Variants in EYS observed in about 807,000 individuals in gnomAD.
The protein encoded by EYS is EGF-like photoreceptor maintenance factor.
A neutral mutation model predicts 282.1 loss-of-function variants in EYS; 250 were observed. The ratio of observed to expected loss-of-function variants is 0.89; its 90% CI spans 0.80 to 0.98. EYS has a LOEUF of 0.98. Among genes scored for constraint, EYS ranks in the 50% least tolerant of loss-of-function variants. EYS has a pLI of 0.00. For synonymous variants in EYS, 1,355 were observed against 1,282.9 expected, an observed-to-expected ratio of 1.06 and a Z score of -1.20; for missense variants, 4,016 against 3,709.0, an observed-to-expected ratio of 1.08 and a Z score of -2.15.
chr6:64,409,776 T>C (rs1293192544), intron 28 of EYS, among the ~76,000 whole-genome samples: 1 of 152,182 alleles, frequency 6.6e-6, no homozygotes, highest in African/African-American at 2.4e-5. Context: ...GGTAATTTGT[T>C]GATATATCAA....
rs200858078 is a variant in EYS at position 65,147,048 on chromosome 6, T to A, written c.2024-89321A>T. Among the ~76,000 whole-genome samples, 29 of 152,170 alleles carry A rather than the reference T, an allele frequency of 1.9e-4. No homozygotes were observed. In the East Asian group the frequency reaches 5.4e-3, roughly 28 times the overall value. On this transcript the variant is annotated intron_variant, in intron 12 of 42. Transcript: ENST00000503581. ...GTACTTTTTGTATGGATTTCTTCTT[T>A]GCTCTAAAAATTACCTAACAGTATG...
chr6:64,320,657 T>C (rs1770182254), intron 29 of EYS, among the ~76,000 whole-genome samples: 1 of 147,636 alleles, frequency 6.8e-6, no homozygotes, highest in Non-Finnish European at 1.5e-5. Context: ...ATATAATCTC[T>C]ATGATTTCTT....
At chr6:64,449,035 G>T (rs1419861050) in intron 26 of EYS, among the ~76,000 whole-genome samples, 1 of 152,164 alleles carries the variant, frequency 6.6e-6, no homozygotes, top group African/African-American at 2.4e-5. Context: ...AGAGAGGAAG[G>T]CTTCAGAAGA....
intron 22 of EYS, among the ~76,000 whole-genome samples, chr6:64,699,831 C>T (rs546240735): frequency 5.9e-5 from 9 of 152,118 alleles, no homozygotes; most frequent in African/African-American, 2.2e-4. Flanking sequence ...GGGAATCCTC[C>T]ATAACCCATT....
At chr6:65,422,835 CATATGTAT>C (rs3076554) in intron 5 of EYS, among the ~76,000 whole-genome samples, 20 of 151,548 alleles carry the variant, frequency 1.3e-4, no homozygotes, top group African/African-American at 4.8e-4. Context: ...TATATACACA[CATATGTAT>C]ATATGTATGT....
Position 64,301,472 on chromosome 6 carries a change from C to A in EYS, c.6191+5498G>T, listed in dbSNP as rs533120788. Among the ~76,000 whole-genome samples the A allele has an allele frequency of 6.2e-4, 95 of 152,262 alleles. No homozygotes were observed. In the South Asian group the frequency reaches 7.5e-3, roughly 12 times the overall value. ...CCTACAGGGTTAATAGGACAGATGG[C>A]CCCAGTACTATGCTTTCTAGAATGG... On this transcript the variant is annotated intron_variant, in intron 30 of 42. Transcript: ENST00000503581.
chr6:64,580,503 C>A (rs992069116), intron 26 of EYS, among the ~76,000 whole-genome samples: 4 of 152,014 alleles, frequency 2.6e-5, no homozygotes, highest in Admixed American at 2.6e-4. Context: ...CAGAGTTGTG[C>A]AACTGTATGA....
chr6:65,697,789 C>T (rs1440420860), intron 1 of EYS, among the ~76,000 whole-genome samples: 1 of 152,110 alleles, frequency 6.6e-6, no homozygotes, highest in Non-Finnish European at 1.5e-5. Context: ...CACGGCATTA[C>T]ATCTATCTTA....
intron 31 of EYS, among the ~76,000 whole-genome samples, chr6:64,127,163 C>A (rs1773813806): frequency 6.6e-6 from 1 of 152,088 alleles, no homozygotes; most frequent in Admixed American, 6.6e-5. Context: ...CAATCTGTAA[C>A]CTGAATAATA....
At chr6:63,996,611 A>G (rs1245644000) in intron 34 of EYS, among the ~76,000 whole-genome samples, 1 of 152,138 alleles carries the variant, frequency 6.6e-6, no homozygotes, top group Non-Finnish European at 1.5e-5. Context: ...GTGAGACCAC[A>G]TAGTTTTGGT....
intron 31 of EYS, among the ~76,000 whole-genome samples, chr6:64,120,798 C>T (rs1474608242): frequency 6.6e-6 from 1 of 152,058 alleles, no homozygotes; most frequent in African/African-American, 2.4e-5. Flanking sequence ...AACAAATTAC[C>T]ATAGACTTAG....
At chr6:65,474,626 T>C (rs1278284551) in intron 5 of EYS, among the ~76,000 whole-genome samples, 1 of 152,124 alleles carries the variant, frequency 6.6e-6, no homozygotes, top group Non-Finnish European at 1.5e-5. Context: ...TCTAAGCCAA[T>C]GGCTGGCATC....
intron 2 of EYS, among the ~76,000 whole-genome samples, chr6:65,594,999 C>T (rs1765357711): frequency 6.6e-6 from 1 of 151,996 alleles, no homozygotes; most frequent in Non-Finnish European, 1.5e-5. Context: ...TTTCTGAGGG[C>T]TCTGTTCTGT....
intron 19 of EYS, among the ~76,000 whole-genome samples, chr6:64,859,741 C>T (rs1222928672): frequency 2.0e-5 from 3 of 152,214 alleles, no homozygotes. Context: ...TCTGTTAAAA[C>T]TCTTTCTTTT....
intron 12 of EYS, among the ~76,000 whole-genome samples, chr6:65,247,464 T>G (rs796102244): frequency 5.3e-4 from 81 of 152,222 alleles, no homozygotes; most frequent in African/African-American, 1.7e-3. Flanking sequence ...ATTCATTGTT[T>G]TGCCTACTAT....
At chr6:64,703,068 C>G (rs1473559194) in intron 22 of EYS, among the ~76,000 whole-genome samples, 1 of 151,818 alleles carries the variant, frequency 6.6e-6, no homozygotes, top group African/African-American at 2.4e-5. Context: ...GCTGTAATCA[C>G]AAGCTAAGAG....
rs1767026666 is a variant in EYS at position 64,884,567 on chromosome 6, C to A, written c.2992+2130G>T. 2.7e-5 allele frequency among the ~76,000 whole-genome samples: 4 copies of A among 150,592 alleles called. No individual in the cohort carries two copies. In the South Asian group the frequency reaches 8.4e-4, roughly 31 times the overall value. ...TCACAAAACAGTAATGCTTTAGGAG[C>A]CTTGAAAAAAAGATTTCCAGAGAAG... On this transcript the variant is annotated intron_variant, in intron 19 of 42. Transcript: ENST00000503581.
chr6:63,937,441 C>G (rs956194107), intron 35 of EYS, among the ~76,000 whole-genome samples: 1 of 129,430 alleles, frequency 7.7e-6, no homozygotes, highest in African/African-American at 2.9e-5. Context: ...AGTGCAGTGG[C>G]TCGATCTCGG....
chr6:63,880,487 G>GTCTCTATCTATCTATC (rs537041801), intron 35 of EYS, among the ~76,000 whole-genome samples: 5 of 142,780 alleles, frequency 3.5e-5, no homozygotes, highest in Non-Finnish European at 7.6e-5. Context: ...CTGTCTGTCT[G>GTCTCTATCTATCTATC]TATCTATCTA....
Sources: gnomAD v4.1 joint callset for allele counts (sites outside exome capture counted in the v4.1 genomes callset) on GRCh38, gnomAD v4.1.1 for gene constraint, MANE v1.5 for transcripts, NCBI Gene and HGNC (gene_info 2026-07-23, HGNC 2026-07-21) for gene names.